Variants in C6 observed in about 807,000 individuals in gnomAD.
C6 encodes complement C6.
C6 carries 101 observed loss-of-function variants against 112.9 expected under a neutral mutation model. The ratio of observed to expected loss-of-function variants is 0.89; its 90% CI spans 0.76 to 1.06. The LOEUF (loss-of-function observed/expected upper bound fraction) is 1.06, where lower values mean the gene tolerates loss of function less well. Ranked by LOEUF, C6 falls within the 50% of genes least tolerant of loss-of-function variation. C6 has a pLI of 0.00. For missense variants in C6, 1,202 were observed against 1,104.6 expected (o/e 1.09, Z -1.25); for synonymous variants, 431 against 384.1 (o/e 1.12, Z -1.43).
intron 1 of C6, among the ~76,000 whole-genome samples, chr5:41,245,013 G>C (rs1367402029): frequency 6.6e-6 from 1 of 151,924 alleles, no homozygotes. Context: ...CTTGGTCATG[G>C]TTTATTTTCC....
At chr5:41,157,148 T>C (rs1746992309) in intron 13 of C6, among the ~76,000 whole-genome samples, 1 of 152,184 alleles carries the variant, frequency 6.6e-6, no homozygotes, top group Non-Finnish European at 1.5e-5. Flanking sequence ...TAAAAACTAT[T>C]GCCAGACAGA....
chr5:41,150,958 A>G (rs1366610540), intron 15 of C6, among the ~76,000 whole-genome samples: 2 of 151,662 alleles, frequency 1.3e-5, no homozygotes, highest in South Asian at 2.1e-4. Context: ...TGAAGTGCTG[A>G]AAAACAAGAG....
chr5:41,253,280 G>C (rs1471489980), intron 1 of C6, among the ~76,000 whole-genome samples: 1 of 152,026 alleles, frequency 6.6e-6, no homozygotes, highest in African/African-American at 2.4e-5. Context: ...CAACCTCTTG[G>C]GTGGTTCTTT....
rs140781245 is a variant in C6 at position 41,251,346 on chromosome 5, C to CAT, written c.-21+9846_-21+9847dup. Reference sequence around the variant, plus strand: ...ATTGTACCCCAAATCATCCCAGAACCATATATATATATATATTTTCTACCA... The same window carrying CAT: ...ATTGTACCCCAAATCATCCCAGAACCATATATATATATATATATTTTCTACCA... On this transcript the variant is annotated intron_variant, in intron 1 of 17. Coordinates refer to the C6 transcript ENST00000263413. Among the ~76,000 whole-genome samples, 649 of 150,276 alleles carry CAT rather than the reference C, an allele frequency of 4.3e-3. 7 individuals are homozygous for CAT. Among genetic ancestry groups the CAT allele is most frequent in the African/African-American group, 0.014 (584 of 41,072 alleles).
chr5:41,255,610 T>A (rs1741645883), intron 1 of C6, among the ~76,000 whole-genome samples: 3 of 152,176 alleles, frequency 2.0e-5, no homozygotes, highest in Admixed American at 2.0e-4. Flanking sequence ...TCCACTTCTC[T>A]CTGCCTACAA....
At chr5:41,179,890 A>G (rs1358314022) in intron 7 of C6, among the ~76,000 whole-genome samples, 1 of 151,990 alleles carries the variant, frequency 6.6e-6, no homozygotes, top group South Asian at 2.1e-4. Context: ...AGACAAACAG[A>G]TTTCAGTTCC....
In C6 at chr5:41,259,279, CAA is replaced by C. The variant is rs1352039233; in HGVS notation, c.-21+1913_-21+1914del. 6.2e-5 allele frequency among the ~76,000 whole-genome samples: 8 copies of C among 128,306 alleles called. No homozygotes were observed. The East Asian group carries it at 1.2e-3, about 20-fold the overall frequency. The allele number at this position is 128,306 out of a possible 152,430, so 84.2% of individuals were successfully genotyped here. A position where few individuals can be genotyped will look rare whatever the true frequency, so the allele number is the denominator to read the frequency against. On this transcript the variant is annotated intron_variant, in intron 1 of 17. Coordinates refer to the C6 transcript ENST00000263413. ...ACCTTAGTTCTTCTTAATGGGGAAA[CAA>C]AGAGTAAAAATAGCTGGCAAAGTGT...
upstream of C6, among the ~76,000 whole-genome samples, chr5:41,214,343 A>T (rs1005609711): frequency 6.6e-6 from 1 of 152,166 alleles, no homozygotes; most frequent in Non-Finnish European, 1.5e-5. Flanking sequence ...TTTTTATCAC[A>T]TGGTGGGAAA....
At chr5:41,163,310 C>CTTTTTTTTTT (rs35341613) in intron 9 of C6, among the ~76,000 whole-genome samples, 2 of 134,554 alleles carry the variant, frequency 1.5e-5, no homozygotes, top group Admixed American at 7.8e-5. Flanking sequence ...TATCAATGAA[C>CTTTTTTTTTT]TTTTTTTTTT....
At position 41,181,277 on chromosome 5, in the gene C6, C is replaced by G. The variant is rs1236387635; in HGVS notation, c.927+82G>C. The G allele has an allele frequency of 4.7e-6, 6 of 1,283,750 alleles. No individual in the cohort carries two copies. The Admixed American group carries it at 1.0e-4, about 22-fold the overall frequency. The allele number at this position is 1,283,750 out of a possible 1,614,324, so 79.5% of individuals were successfully genotyped here. ...AAGTCATACTGGTACAATATCAAAA[C>G]TCTCCCCTTCTTATTGCATGATTAC... On this transcript the variant is annotated intron_variant, in intron 7 of 17. Transcript: ENST00000337836.
intron 16 of C6, 51 bp from the exon 17 acceptor site, chr5:41,149,533 AG>A: frequency 6.2e-7 from 1 of 1,609,226 alleles, no homozygotes; most frequent in Non-Finnish European, 8.5e-7. Context: ...AGAAAAAAAC[AG>A]GGGGCACGTA....
At chr5:41,217,878 G>A (rs1316007662), upstream of C6, among the ~76,000 whole-genome samples, 1 of 152,054 alleles carries the variant, frequency 6.6e-6, no homozygotes, top group Non-Finnish European at 1.5e-5. Context: ...CAGCTTTCTA[G>A]TTTGTTTCTT....
At chr5:41,144,443 T>C (rs1745625563) in intron 17 of C6, among the ~76,000 whole-genome samples, 3 of 152,066 alleles carry the variant, frequency 2.0e-5, no homozygotes, top group Admixed American at 2.0e-4. Flanking sequence ...AATCTATTAC[T>C]CTTTGTAGAG....
At chr5:41,182,706 A>T (rs1749452466) in intron 6 of C6, among the ~76,000 whole-genome samples, 1 of 152,274 alleles carries the variant, frequency 6.6e-6, no homozygotes, top group African/African-American at 2.4e-5. Flanking sequence ...GCATGCCTAA[A>T]GAATGAAGTT....
chr5:41,256,669 G>A (rs1385989926), intron 1 of C6, among the ~76,000 whole-genome samples: 8 of 152,168 alleles, frequency 5.3e-5, no homozygotes, highest in Middle Eastern at 3.4e-3. Flanking sequence ...TTTATGTTAC[G>A]ATATCCTGCC....
intron 17 of C6, among the ~76,000 whole-genome samples, chr5:41,146,748 C>CT (rs141503196): frequency 0.03 from 4,476 of 148,418 alleles, 204 homozygotes; most frequent in African/African-American, 0.1. Flanking sequence ...GTTTTTAGTA[C>CT]TTTTTTTTTT....
chr5:41,146,548 T>C (rs968489634), intron 17 of C6, among the ~76,000 whole-genome samples: 1 of 152,204 alleles, frequency 6.6e-6, no homozygotes, highest in Non-Finnish European at 1.5e-5. Context: ...GAACCCTCTG[T>C]GACATTTACT....
At chr5:41,166,009 T>C (rs553869404) in intron 9 of C6, among the ~76,000 whole-genome samples, 1 of 152,264 alleles carries the variant, frequency 6.6e-6, no homozygotes, top group African/African-American at 2.4e-5. Context: ...CAATAGTAAG[T>C]CTGTGAATTT....
Position 41,187,560 on chromosome 5 carries a change from T to G in C6, c.588-1352A>C, listed in dbSNP as rs145381322. Among the ~76,000 whole-genome samples the G allele has an allele frequency of 4.7e-3, 722 of 152,268 alleles. 6 individuals are homozygous for G. Among genetic ancestry groups the G allele is most frequent in the African/African-American group, 0.015 (632 of 41,550 alleles). ...TTCTAACCAAGGGGCACAATATTTT[T>G]CTATCAAAGAGGAGCAAGGATAGTT... On this transcript the variant is annotated intron_variant, in intron 5 of 17. Transcript: ENST00000337836.
Sources: gnomAD v4.1 joint callset for allele counts (sites outside exome capture counted in the v4.1 genomes callset) on GRCh38, gnomAD v4.1.1 for gene constraint, MANE v1.5 for transcripts, NCBI Gene and HGNC (gene_info 2026-07-23, HGNC 2026-07-21) for gene names.